The following ZNF880 variants were observed in gnomAD, a reference collection of about 807,000 sequenced individuals.
ZNF880 encodes zinc finger protein 880.
A neutral mutation model predicts 11.8 loss-of-function variants in ZNF880; 12 were observed. The ratio of observed to expected loss-of-function variants is 1.02; its 90% CI spans 0.65 to 1.65. The LOEUF (loss-of-function observed/expected upper bound fraction) is 1.65. ZNF880 is among the 40% of genes most tolerant of loss of function. The pLI, the probability that ZNF880 is intolerant of heterozygous loss-of-function variation, is 0.00. For missense variants in ZNF880, 601 were observed against 673.9 expected, an observed-to-expected ratio of 0.89 and a Z score of 1.20; for synonymous variants, 210 against 232.4, an observed-to-expected ratio of 0.90 and a Z score of 0.88.
chr19:52,384,335 T>C lies in ZNF880; in HGVS notation c.755T>C (p.Ile252Thr). 6.7e-7 allele frequency: 1 copy of C among 1,482,502 alleles called. No individual in the cohort carries two copies. The highest frequency in any genetic ancestry group is 1.2e-5 in the South Asian group (1 of 86,608). 91.8% of individuals were successfully genotyped at this position (1,482,502 alleles called of 1,614,324 possible). The change falls in exon 4 of 4, where the codon ATT (isoleucine) becomes ACT (threonine). Residue 252 changes from isoleucine to threonine, a missense_variant. Physicochemically the swap from Ile to Thr is moderately conservative, Grantham distance 89. Around this residue, in one of 3 missense-constraint regions of ZNF880, gnomAD observed 420 missense variants for 442.6 expected, o/e 0.95. Transcript: ENST00000422689. ...GAATGTGGCAAGCTCTTCAATCGAATTTCACTCCTTGCACGACATCAGAGA... is the reference window on the plus strand; with the variant it reads ...GAATGTGGCAAGCTCTTCAATCGAACTTCACTCCTTGCACGACATCAGAGA... ...CHECGKLFNR[I>T]SLLARHQRIH...
intron 3 of ZNF880, among the ~76,000 whole-genome samples, chr19:52,377,016 T>C (rs1419101294): frequency 6.6e-6 from 1 of 152,204 alleles, no homozygotes; most frequent in Non-Finnish European, 1.5e-5. Context: ...CCCTGTCATA[T>C]GGCTTATGAG....
chr19:52,379,896 T>A (rs943450244), intron 3 of ZNF880: 1 of 122,998 alleles, frequency 8.1e-6, no homozygotes, highest in Non-Finnish European at 1.8e-5. Context: ...CATACTTATT[T>A]TTTTTTTTAT....
At chr19:52,381,924 CAT>C (rs1986717930) in intron 3 of ZNF880, among the ~76,000 whole-genome samples, 2 of 152,132 alleles carry the variant, frequency 1.3e-5, no homozygotes, top group South Asian at 4.2e-4. Context: ...GTCCCATTAA[CAT>C]ATATCAAAAA....
chr19:52,372,526 G>C (rs2122348384), intron 1 of ZNF880, among the ~76,000 whole-genome samples: 1 of 150,762 alleles, frequency 6.6e-6, no homozygotes, highest in African/African-American at 2.4e-5. Flanking sequence ...GTGACCTCAT[G>C]ATCCACCCGC....
chr19:52,385,314 A>G lies in ZNF880; in HGVS notation c.1734A>G (p.Ter578TrpextTer22), dbSNP rs1321647169. The G allele has an allele frequency of 6.4e-7, 1 of 1,550,908 alleles. No homozygotes were observed. The highest frequency in any genetic ancestry group is 2.0e-5 in the Admixed American group (1 of 50,984). Reference sequence around the variant, plus strand: ...ATACTGGAGAGAAACCGTACAGATGAAATGTGTGTGGTAAGATCTTTAGTA... The same window carrying G: ...ATACTGGAGAGAAACCGTACAGATGGAATGTGTGTGGTAAGATCTTTAGTA... ...RIHTGEKPYR[*>W] is the part of the protein sequence containing the mutation. The change falls in exon 4 of 4, where the codon TGA (stop) becomes TGG (tryptophan). Residue 578 changes from the stop codon to tryptophan, a stop_lost. Coordinates refer to ENST00000422689, the MANE Select transcript of ZNF880 (RefSeq NM_001145434.2).
At chr19:52,393,156 T>C in the ZNF880 span, among the ~76,000 whole-genome samples, 1 of 150,796 alleles carries the variant, frequency 6.6e-6, no homozygotes, top group East Asian at 2.0e-4. Flanking sequence ...CACTGCAACC[T>C]CTGCCTCCCA....
chr19:52,384,994 G>C lies in ZNF880; in HGVS notation c.1414G>C (p.Asp472His), dbSNP rs777599424. 8 of 1,564,814 alleles carry C rather than the reference G, an allele frequency of 5.1e-6. No individual in the cohort carries two copies. In the Admixed American group the frequency reaches 1.2e-4, roughly 22 times the overall value. ...KPYRCDECGK[D>H]FTRNSNLANH... Reference sequence around the variant, plus strand: ...TTACAGATGTGATGAATGTGGCAAGGACTTCACTCGAAATTCAAACCTTGC... The same window carrying C: ...TTACAGATGTGATGAATGTGGCAAGCACTTCACTCGAAATTCAAACCTTGC... Residue 472 changes from aspartate (D) to histidine (H), a missense_variant, in exon 4 of 4, where the codon GAC becomes CAC. Physicochemically the swap from Asp to His is moderately conservative, Grantham distance 81 (BLOSUM62 -1). This residue lies in a region of ZNF880 where 177 missense variants were observed against 214.5 expected (regional missense o/e 0.83). Coordinates refer to ENST00000422689, the MANE Select transcript of ZNF880 (RefSeq NM_001145434.2).
the ZNF880 span, chr19:52,395,444 C>A: frequency 6.6e-6 from 1 of 152,190 alleles, no homozygotes; most frequent in Non-Finnish European, 1.5e-5. Context: ...CAGATTCCCA[C>A]AAAATGTACG....
chr19:52,387,142 CTAACT>C (rs1179096678), downstream of ZNF880, among the ~76,000 whole-genome samples: 1 of 144,486 alleles, frequency 6.9e-6, no homozygotes, highest in Non-Finnish European at 1.5e-5. Flanking sequence ...TCTAATCACT[CTAACT>C]TTAGTGTAAA....
downstream of ZNF880, chr19:52,390,389 CCTGA>C (rs372305251): frequency 5.2e-6 from 2 of 387,580 alleles, no homozygotes; most frequent in African/African-American, 2.1e-5. Context: ...CTGCCCCTCT[CCTGA>C]CTTTCTCCTG....
At chr19:52,370,552 G>C (rs1480930407) in intron 1 of ZNF880, 2 of 153,810 alleles carry the variant, frequency 1.3e-5, no homozygotes, top group African/African-American at 4.8e-5. Context: ...CGGAGGCCCA[G>C]GCTGGAGAAT....
chr19:52,387,027 T>TC (rs139511606), downstream of ZNF880, among the ~76,000 whole-genome samples: 7,637 of 143,734 alleles, frequency 0.053, 1,625 homozygotes, highest in African/African-American at 0.18. Context: ...ATTGTTTTAG[T>TC]CCCCCTTAGG....
intron 3 of ZNF880, among the ~76,000 whole-genome samples, chr19:52,375,158 GT>G (rs58352737): frequency 0.12 from 17,650 of 142,950 alleles, 1,869 homozygotes; most frequent in African/African-American, 0.29. Flanking sequence ...ACTAGTATTG[GT>G]TTTTTTTTTT....
chr19:52,373,688 T>G (rs532592073), intron 2 of ZNF880, among the ~76,000 whole-genome samples: 46 of 149,140 alleles, frequency 3.1e-4, no homozygotes, highest in African/African-American at 1.1e-3. Context: ...TTTTTTTTTT[T>G]TTTTGAGACA....
chr19:52,367,124 G>GT (rs1600243303), upstream of ZNF880: 5 of 184,552 alleles, frequency 2.7e-5, no homozygotes, highest in East Asian at 6.5e-4. Flanking sequence ...TTTTTTTTTA[G>GT]TTTTTTCTTT....
chr19:52,384,750 G>A lies in ZNF880; in HGVS notation c.1170G>A (p.Arg390=). The A allele has an allele frequency of 8.4e-7, 1 of 1,197,040 alleles. No homozygotes were observed. 74.2% of individuals were successfully genotyped at this position (1,197,040 alleles called of 1,614,324 possible). A position where few individuals can be genotyped will look rare whatever the true frequency, so the allele number is the denominator to read the frequency against. Reference sequence around the variant, plus strand: ...GTAAAGAATGTGGCAAGGTCTTCAGGCACAAGTTTTGTCTAACCAATCATC... The same window carrying A: ...GTAAAGAATGTGGCAAGGTCTTCAGACACAAGTTTTGTCTAACCAATCATC... The part of the protein sequence containing the change: ...YECKECGKVF[R]HKFCLTNHHR... The change falls in exon 4 of 4, where the codon AGG becomes AGA. Residue 390 remains arginine (R), a synonymous_variant. Coordinates refer to ENST00000422689, the MANE Select transcript of ZNF880 (RefSeq NM_001145434.2).
intron 1 of ZNF880, 139 bp from the exon 2 acceptor site, chr19:52,372,972 A>G (rs1986431937): frequency 2.9e-6 from 2 of 701,672 alleles, no homozygotes; most frequent in Non-Finnish European, 4.7e-6. Context: ...ATATTAAAAC[A>G]CAATTAGAAA....
downstream of ZNF880, among the ~76,000 whole-genome samples, chr19:52,388,281 A>AATTTTTTTTT (rs1298446341): frequency 7.7e-5 from 3 of 38,900 alleles, no homozygotes; most frequent in East Asian, 3.8e-4. Context: ...GGCAATTTGA[A>AATTTTTTTTT]CTTTTTTTTT....
In ZNF880 at chr19:52,374,293, A is replaced by G. The variant is rs1568660958; in HGVS notation, c.140-6A>G. The G allele has an allele frequency of 6.2e-7, 1 of 1,606,552 alleles. No individual in the cohort carries two copies. The highest frequency in any genetic ancestry group is 8.5e-7 in the Non-Finnish European group (1 of 1,177,558). On this transcript the variant is annotated splice_polypyrimidine_tract_variant and splice_region_variant and intron_variant, in intron 2 of 3. Transcript: ENST00000422689. Reference sequence around the variant, plus strand: ...TAGTCTTGATATTCTTTCTTTTTTTAAATAGGAATCTGTCTTCCTGACCTG... The same window carrying G: ...TAGTCTTGATATTCTTTCTTTTTTTGAATAGGAATCTGTCTTCCTGACCTG...
Sources: gnomAD v4.1 joint callset for allele counts (sites outside exome capture counted in the v4.1 genomes callset) on GRCh38, gnomAD v4.1.1 for gene constraint, gnomAD v4.1.1 regional missense constraint, MANE v1.5 for transcripts, NCBI Gene and HGNC (gene_info 2026-07-23, HGNC 2026-07-21) for gene names.